The following CACHD1 variants were observed in gnomAD, a reference collection of about 807,000 sequenced individuals.
CACHD1 encodes the protein cache domain containing 1, also known as VWFA and cache domain-containing protein 1.
A neutral mutation model predicts 138.7 loss-of-function variants in CACHD1; 71 were observed. The ratio of observed to expected loss-of-function variants is 0.51; its 90% CI spans 0.42 to 0.62. CACHD1 has a LOEUF of 0.62. Among genes scored for constraint, CACHD1 ranks in the 20% least tolerant of loss-of-function variants. The pLI, the probability that CACHD1 is intolerant of heterozygous loss-of-function variation, is 0.00. For missense variants in CACHD1, 1,389 were observed against 1,625.3 expected, an observed-to-expected ratio of 0.85 and a Z score of 2.50; for synonymous variants, 578 against 591.5, an observed-to-expected ratio of 0.98 and a Z score of 0.33.
At chr1:64,650,129 A>C (rs10493361) in intron 9 of CACHD1, among the ~76,000 whole-genome samples, 16,368 of 152,338 alleles carry the variant, frequency 0.11, 1,174 homozygotes, top group Non-Finnish European at 0.16. Flanking sequence ...GGAGCTTAGC[A>C]TACTTTATTT....
At chr1:64,575,693 C>T (rs77866966) in intron 2 of CACHD1, among the ~76,000 whole-genome samples, 1 of 152,282 alleles carries the variant, frequency 6.6e-6, no homozygotes, top group East Asian at 1.9e-4. Flanking sequence ...CTGTCAGCTT[C>T]ATTGTTACGT....
intron 3 of CACHD1, among the ~76,000 whole-genome samples, chr1:64,594,122 TG>T (rs1474902018): frequency 6.6e-6 from 1 of 151,844 alleles, no homozygotes; most frequent in Non-Finnish European, 1.5e-5. Flanking sequence ...CGCATGATGG[TG>T]GGCGCCTGTA....
chr1:64,625,232 T>C lies in CACHD1; in HGVS notation c.518-4123T>C, dbSNP rs182919869. ...AATACTGAATGTTGTCACTTATAAG[T>C]GGGAGCTAAATAATGTGTGCATTTG... On this transcript the variant is annotated intron_variant, in intron 4 of 26. Coordinates refer to ENST00000651257, the MANE Select transcript of CACHD1 (RefSeq NM_020925.4). Among the ~76,000 whole-genome samples the C allele has an allele frequency of 2.0e-5, 3 of 152,206 alleles. No individual in the cohort carries two copies. In the East Asian group the frequency reaches 5.8e-4, roughly 29 times the overall value.
chr1:64,613,708 A>T (rs954431786), intron 4 of CACHD1, among the ~76,000 whole-genome samples: 1 of 151,968 alleles, frequency 6.6e-6, no homozygotes, highest in Non-Finnish European at 1.5e-5. Flanking sequence ...TTTAATCCTT[A>T]TTTTTCCTCT....
At chr1:64,482,644 A>G (rs1646217752) in intron 1 of CACHD1, among the ~76,000 whole-genome samples, 1 of 152,178 alleles carries the variant, frequency 6.6e-6, no homozygotes, top group Non-Finnish European at 1.5e-5. Flanking sequence ...TCACTGAACC[A>G]TTTATGAAAA....
At chr1:64,678,805 C>A (rs1650077844) in intron 23 of CACHD1, among the ~76,000 whole-genome samples, 1 of 152,204 alleles carries the variant, frequency 6.6e-6, no homozygotes, top group South Asian at 2.1e-4. Flanking sequence ...CACAAGGACA[C>A]CACAGGGTGG....
intron 2 of CACHD1, among the ~76,000 whole-genome samples, chr1:64,571,154 G>A (rs930263744): frequency 6.6e-6 from 1 of 152,170 alleles, no homozygotes; most frequent in African/African-American, 2.4e-5. Context: ...TCATACTCAA[G>A]ACTCAGGTAA....
intron 5 of CACHD1, 44 bp from the exon 6 acceptor site, chr1:64,632,555 T>C: frequency 6.2e-7 from 1 of 1,609,064 alleles, no homozygotes; most frequent in Admixed American, 1.7e-5. Context: ...TGAGGCCCTT[T>C]ACCTAAACCA....
intron 1 of CACHD1, among the ~76,000 whole-genome samples, chr1:64,544,382 G>C (rs1399770769): frequency 1.3e-5 from 2 of 152,174 alleles, no homozygotes; most frequent in East Asian, 3.9e-4. Flanking sequence ...TGGGCCAACT[G>C]TCTGGACTGA....
chr1:64,494,238 G>A (rs1340709051), intron 1 of CACHD1, among the ~76,000 whole-genome samples: 2 of 152,184 alleles, frequency 1.3e-5, no homozygotes, highest in African/African-American at 2.4e-5. Flanking sequence ...CTTAGTTAAT[G>A]CTTTAGATAA....
chr1:64,497,620 TCTC>T (rs1192155600), intron 1 of CACHD1, among the ~76,000 whole-genome samples: 1 of 152,118 alleles, frequency 6.6e-6, no homozygotes, highest in African/African-American at 2.4e-5. Flanking sequence ...CCTGGCTTGT[TCTC>T]CTGGTAAATG....
chr1:64,663,916 A>G (rs1649538290), intron 14 of CACHD1, 79 bp downstream of exon 14: 17 of 1,571,920 alleles, frequency 1.1e-5, no homozygotes, highest in Non-Finnish European at 1.3e-5. Context: ...GAACCTTTGA[A>G]GTAGGAAACC....
Position 64,541,606 on chromosome 1 carries a change from G to A in CACHD1, c.199-8988G>A, listed in dbSNP as rs560683602. ...ACAGATTGCTTGAGCCCGGAAATTC[G>A]AGACCAACCTGGACAACATAGCGAC... On this transcript the variant is annotated intron_variant, in intron 1 of 26. Coordinates refer to ENST00000651257, the MANE Select transcript of CACHD1 (RefSeq NM_020925.4). Among the ~76,000 whole-genome samples the A allele has an allele frequency of 3.3e-5, 5 of 152,114 alleles. No individual in the cohort carries two copies. The South Asian group carries it at 8.3e-4, about 25-fold the overall frequency.
In CACHD1 at chr1:64,595,345, G is replaced by A. The variant is rs143844360; in HGVS notation, c.411-7461G>A. On this transcript the variant is annotated intron_variant, in intron 3 of 26. Transcript: ENST00000651257. ...TGACTAAACTTTTGCTCTTCACAAG[G>A]AGACTCTGAGCTAGGCCCTGGGTAT... Among the ~76,000 whole-genome samples the A allele has an allele frequency of 2.5e-4, 38 of 152,262 alleles. No homozygotes were observed. In the East Asian group the frequency reaches 7.2e-3, roughly 29 times the overall value.
chr1:64,658,385 A>C lies in CACHD1; in HGVS notation c.1783-320A>C, dbSNP rs376813281. 5.1e-4 allele frequency among the ~76,000 whole-genome samples: 78 copies of C among 152,338 alleles called. No individual in the cohort carries two copies. The South Asian group carries it at 0.016, about 31-fold the overall frequency. ...GTGTTATATTATTATGTCCTGTTCT[A>C]GCTTGTGCTCATTAACCCACATTAG... On this transcript the variant is annotated intron_variant, in intron 12 of 26. Transcript: ENST00000651257.
At chr1:64,663,914 G>A in intron 14 of CACHD1, 77 bp downstream of exon 14, 2 of 1,579,546 alleles carry the variant, frequency 1.3e-6, no homozygotes, top group Admixed American at 3.4e-5. Flanking sequence ...GTGAACCTTT[G>A]AAGTAGGAAA....
At chr1:64,681,903 G>T in intron 25 of CACHD1, 102 bp from the exon 26 acceptor site, 1 of 999,434 alleles carries the variant, frequency 1.0e-6, no homozygotes, top group Non-Finnish European at 1.6e-6. Context: ...TTTCCAAAGA[G>T]AATTCTCCCA....
chr1:64,644,323 T>G (rs902402955), intron 8 of CACHD1, among the ~76,000 whole-genome samples: 2 of 152,236 alleles, frequency 1.3e-5, no homozygotes, highest in African/African-American at 2.4e-5. Context: ...GTACTGAGGT[T>G]TCAGAGCTGT....
At chr1:64,544,034 G>A (rs1646699178) in intron 1 of CACHD1, among the ~76,000 whole-genome samples, 1 of 151,836 alleles carries the variant, frequency 6.6e-6, no homozygotes, top group African/African-American at 2.4e-5. Context: ...TGTCTTTTAG[G>A]GGTTAGTGTT....
Sources: gnomAD v4.1 joint callset for allele counts (sites outside exome capture counted in the v4.1 genomes callset) on GRCh38, gnomAD v4.1.1 for gene constraint, MANE v1.5 for transcripts, NCBI Gene and HGNC (gene_info 2026-07-23, HGNC 2026-07-21) for gene names.